The following ABCG2 variants were observed in gnomAD, a reference collection of about 807,000 sequenced individuals.
ABCG2 encodes broad substrate specificity ATP-binding cassette transporter ABCG2.
A neutral mutation model predicts 73.5 loss-of-function variants in ABCG2; 80 were observed. The ratio of observed to expected loss-of-function variants is 1.09; its 90% confidence interval spans 0.91 to 1.31. The LOEUF (loss-of-function observed/expected upper bound fraction) is 1.31, where lower values mean the gene tolerates loss of function less well. Among genes scored for constraint, ABCG2 ranks in the 50% most tolerant of loss-of-function variants. The pLI is 0.00. For synonymous variants in ABCG2, 269 were observed against 282.4 expected (o/e 0.95, Z 0.48); for missense variants, 796 against 786.2 (o/e 1.01, Z -0.15).
At chr4:88,117,897 T>C (rs1028771110) in intron 7 of ABCG2, among the ~76,000 whole-genome samples, 1 of 152,058 alleles carries the variant, frequency 6.6e-6, no homozygotes, top group Non-Finnish European at 1.5e-5. Flanking sequence ...TGCATGCACA[T>C]TGAAATAAGA....
rs780612821 is a variant in ABCG2, at chr4:88,092,311, C to T, written c.1891G>A (p.Val631Met). 47 of 1,613,670 alleles carry T rather than the reference C, an allele frequency of 2.9e-5. No individual in the cohort carries two copies. The highest frequency in any genetic ancestry group is 3.6e-5 in the Non-Finnish European group (42 of 1,179,806). ...ATAACAATCATACAAGCCAAGGCCA[C>T]GTGATTCTTCCACAAGCCCCAGGGT... ...LSPWGLWKNH[V>M]ALACMIVIFL... Residue 631 changes from valine to methionine, a missense_variant, in exon 16 of 16, where the codon GTG (valine) becomes ATG (methionine). Physicochemically the swap from Val to Met is conservative, Grantham distance 21. Coordinates refer to ENST00000237612, the MANE Select transcript of ABCG2 (RefSeq NM_004827.3).
At chr4:88,177,775 A>T (rs1164144370) in intron 1 of ABCG2, among the ~76,000 whole-genome samples, 2 of 152,242 alleles carry the variant, frequency 1.3e-5, no homozygotes, top group East Asian at 3.9e-4. Flanking sequence ...GGGGAGGGAG[A>T]GCACAGCGAT....
chr4:88,160,676 C>T (rs1025282322), upstream of ABCG2, among the ~76,000 whole-genome samples: 49 of 151,642 alleles, frequency 3.2e-4, no homozygotes, highest in African/African-American at 1.2e-3. Flanking sequence ...ATGGTGAAAC[C>T]CTTCTCTACT....
At chr4:88,167,267 C>A (rs1224356262) in intron 1 of ABCG2, among the ~76,000 whole-genome samples, 1 of 151,944 alleles carries the variant, frequency 6.6e-6, no homozygotes, top group Non-Finnish European at 1.5e-5. Flanking sequence ...ACCAGGGGCA[C>A]CCTCAGCTCC....
chr4:88,167,370 C>CTTTTTTT (rs551648302), intron 1 of ABCG2, among the ~76,000 whole-genome samples: 6 of 101,466 alleles, frequency 5.9e-5, no homozygotes, highest in East Asian at 2.7e-4. Flanking sequence ...TCCCTTCTGC[C>CTTTTTTT]TTTTTTTTTT....
intron 5 of ABCG2, among the ~76,000 whole-genome samples, chr4:88,123,728 T>C (rs1398922902): frequency 6.6e-6 from 1 of 152,128 alleles, no homozygotes; most frequent in African/African-American, 2.4e-5. Flanking sequence ...TGGAACCAAG[T>C]TGGAAAACAT....
At chr4:88,108,224 T>C (rs950702267) in intron 9 of ABCG2, among the ~76,000 whole-genome samples, 2 of 152,142 alleles carry the variant, frequency 1.3e-5, no homozygotes, top group Non-Finnish European at 2.9e-5. Context: ...GAGTTAAATA[T>C]TAAAAAACAA....
chr4:88,208,580 A>C (rs1436224627), intron 1 of ABCG2, among the ~76,000 whole-genome samples: 1 of 152,242 alleles, frequency 6.6e-6, no homozygotes, highest in Non-Finnish European at 1.5e-5. Context: ...TTAACTGATA[A>C]CTGGGGACAC....
chr4:88,195,570 G>A (rs537404938), intron 1 of ABCG2, among the ~76,000 whole-genome samples: 2 of 152,218 alleles, frequency 1.3e-5, no homozygotes, highest in African/African-American at 4.8e-5. Context: ...CAGAGTGAGA[G>A]AGCAAGACAA....
intron 1 of ABCG2, among the ~76,000 whole-genome samples, chr4:88,193,894 G>A (rs574576563): frequency 4.1e-4 from 62 of 152,174 alleles, no homozygotes; most frequent in African/African-American, 1.4e-3. Context: ...ACAGGCATCT[G>A]CCACCACACC....
At chr4:88,141,137 T>C (rs554685717) in intron 1 of ABCG2, among the ~76,000 whole-genome samples, 12 of 152,134 alleles carry the variant, frequency 7.9e-5, no homozygotes, top group East Asian at 3.9e-4. Context: ...TATGATTGAG[T>C]TGCTGTTCCC....
At chr4:88,169,434 C>A (rs527615726) in intron 1 of ABCG2, among the ~76,000 whole-genome samples, 1 of 152,116 alleles carries the variant, frequency 6.6e-6, no homozygotes, top group Non-Finnish European at 1.5e-5. Flanking sequence ...AAGGCTTATT[C>A]ATTCTTATCT....
At chr4:88,100,885 C>T (rs966969623) in intron 11 of ABCG2, among the ~76,000 whole-genome samples, 14 of 152,124 alleles carry the variant, frequency 9.2e-5, no homozygotes, top group African/African-American at 3.4e-4. Flanking sequence ...ATATACTTTT[C>T]AGTCCCTTTA....
intron 1 of ABCG2, among the ~76,000 whole-genome samples, chr4:88,142,896 C>T (rs1373163226): frequency 2.6e-5 from 4 of 151,882 alleles, no homozygotes; most frequent in African/African-American, 4.8e-5. Context: ...TGCAGTGAGC[C>T]GAGATCATGC....
chr4:88,191,542 A>C (rs1334325465), intron 1 of ABCG2, among the ~76,000 whole-genome samples: 1 of 151,552 alleles, frequency 6.6e-6, no homozygotes, highest in Non-Finnish European at 1.5e-5. Context: ...TTTGGAAAAC[A>C]GTTTGGCAGT....
At chr4:88,231,047 G>A (rs1302303121) in exon 1 of ABCG2, 1 of 152,202 alleles carries the variant, frequency 6.6e-6, no homozygotes, top group Non-Finnish European at 1.5e-5. Flanking sequence ...TCAGTGCAGA[G>A]ACAGTGGTAA....
chr4:88,160,848 C>CA (rs765758097), upstream of ABCG2, among the ~76,000 whole-genome samples: 2,307 of 34,334 alleles, frequency 0.067, 80 homozygotes, highest in African/African-American at 0.1. Flanking sequence ...GACTCCATCT[C>CA]AAAAAAAAAA....
At chr4:88,221,827 C>G (rs1212806162) in intron 1 of ABCG2, among the ~76,000 whole-genome samples, 1 of 152,088 alleles carries the variant, frequency 6.6e-6, no homozygotes, top group Non-Finnish European at 1.5e-5. Flanking sequence ...AAACTTGCAG[C>G]CTGATGATGC....
chr4:88,152,525 G>C (rs1356696498), intron 1 of ABCG2, among the ~76,000 whole-genome samples: 2 of 152,136 alleles, frequency 1.3e-5, no homozygotes, highest in Non-Finnish European at 1.5e-5. Flanking sequence ...GGCGTCACAG[G>C]GTGCTCAGCG....
Sources: allele counts gnomAD v4.1 joint callset (sites outside exome capture counted in the v4.1 genomes callset), GRCh38; gene constraint gnomAD v4.1.1; transcripts MANE v1.5; gene names NCBI Gene and HGNC (gene_info 2026-07-23, HGNC 2026-07-21).